Variants in STK3 observed in about 807,000 individuals in gnomAD.
STK3 encodes serine/threonine kinase 3.
A neutral mutation model predicts 58.0 loss-of-function variants in STK3; 41 were observed. The observed-to-expected ratio is 0.71, with a 90% CI of 0.55 to 0.92. STK3 has a LOEUF of 0.92. STK3 is among the 40% of genes least tolerant of loss of function. The pLI is 0.00. For synonymous variants in STK3, 170 were observed against 191.0 expected, an observed-to-expected ratio of 0.89 and a Z score of 0.91; for missense variants, 479 against 602.7, an observed-to-expected ratio of 0.79 and a Z score of 2.15.
At chr8:98,858,395 C>A (rs1479438141) in intron 3 of STK3, among the ~76,000 whole-genome samples, 2 of 139,918 alleles carry the variant, frequency 1.4e-5, no homozygotes, top group Non-Finnish European at 3.1e-5. Flanking sequence ...TACATAACTC[C>A]TGACCTCGTG....
At chr8:98,561,081 A>G (rs1811979484) in intron 8 of STK3, among the ~76,000 whole-genome samples, 1 of 152,118 alleles carries the variant, frequency 6.6e-6, no homozygotes, top group Non-Finnish European at 1.5e-5. Context: ...TTCAGTGTCC[A>G]ATCTTAAAAC....
rs116764263 is a variant in STK3, at chr8:98,642,322, T to A, written c.685-46153A>T. ...AACAATGGTAAAGATGGTTAATTTTTAAAATATTTTCAATAATAATATTAA... is the reference window on the plus strand; with the variant it reads ...AACAATGGTAAAGATGGTTAATTTTAAAAATATTTTCAATAATAATATTAA... On this transcript the variant is annotated intron_variant, in intron 6 of 10. Coordinates refer to ENST00000419617, the MANE Select transcript of STK3 (RefSeq NM_006281.4). Among the ~76,000 whole-genome samples, 1,002 of 152,112 alleles carry A rather than the reference T, an allele frequency of 6.6e-3. 4 individuals are homozygous for A. Among genetic ancestry groups the A allele is most frequent in the African/African-American group, 0.023 (954 of 41,496 alleles).
chr8:98,637,631 T>A (rs1199541401), intron 6 of STK3, among the ~76,000 whole-genome samples: 1 of 152,182 alleles, frequency 6.6e-6, no homozygotes, highest in Non-Finnish European at 1.5e-5. Context: ...ATAATATCAG[T>A]TTTCCCCTAA....
At chr8:98,838,936 A>G (rs1055358113) in intron 3 of STK3, among the ~76,000 whole-genome samples, 2 of 150,960 alleles carry the variant, frequency 1.3e-5, no homozygotes, top group Non-Finnish European at 2.9e-5. Context: ...TTCCCCCAAC[A>G]CACAAAATAA....
rs1826030336 is a variant in STK3, at chr8:98,707,234, T to C, written c.429A>G (p.Ile143Met). The C allele has an allele frequency of 6.2e-7, 1 of 1,608,380 alleles. No homozygotes were observed. Residue 143 changes from isoleucine (I) to methionine (M), a missense_variant, in exon 5 of 11, where the codon ATA becomes ATG. Around this residue, in one of 3 missense-constraint regions of STK3, gnomAD observed 126 missense variants for 210.1 expected, o/e 0.60. Coordinates refer to ENST00000419617, the MANE Select transcript of STK3 (RefSeq NM_006281.4). ...GLEYLHFMRKIHRDIKAGNIL... is the reference protein window; with the variant it reads ...GLEYLHFMRKMHRDIKAGNIL... ...TATTTCCAGCTTTTATATCTCTGTG[T>C]ATTTTTCTCATAAAGTGCAAATATT...
At chr8:98,811,158 T>C (rs549425908) in intron 1 of STK3, among the ~76,000 whole-genome samples, 1 of 152,308 alleles carries the variant, frequency 6.6e-6, no homozygotes, top group South Asian at 2.1e-4. Context: ...AGGAAACTAA[T>C]CATGGAGAAG....
At chr8:98,394,832 T>G (rs1292670513) in intron 3 of STK3, among the ~76,000 whole-genome samples, 2 of 152,258 alleles carry the variant, frequency 1.3e-5, no homozygotes, top group Admixed American at 6.5e-5. Flanking sequence ...TCCAGGCAAG[T>G]GTGAAGATTA....
At chr8:98,788,398 A>G (rs935899655) in intron 1 of STK3, among the ~76,000 whole-genome samples, 1 of 151,874 alleles carries the variant, frequency 6.6e-6, no homozygotes, top group Admixed American at 6.6e-5. Flanking sequence ...TGATTATACC[A>G]CTGCACTCCA....
At chr8:98,529,896 T>C (rs1826039876) in intron 9 of STK3, among the ~76,000 whole-genome samples, 1 of 152,192 alleles carries the variant, frequency 6.6e-6, no homozygotes, top group South Asian at 2.1e-4. Context: ...AGTCGGCGTT[T>C]AACAGGTACA....
intron 3 of STK3, among the ~76,000 whole-genome samples, chr8:98,419,198 G>A (rs537874989): frequency 1.2e-4 from 19 of 152,064 alleles, no homozygotes; most frequent in Admixed American, 2.6e-4. Context: ...CCGTCTCTAC[G>A]AAAAATAAAA....
intron 6 of STK3, among the ~76,000 whole-genome samples, chr8:98,621,358 T>C (rs890850903): frequency 6.6e-6 from 1 of 152,168 alleles, no homozygotes; most frequent in Non-Finnish European, 1.5e-5. Context: ...AAGGAGATGG[T>C]TTCATTTCTA....
intron 6 of STK3, among the ~76,000 whole-genome samples, chr8:98,605,454 G>A (rs1471429758): frequency 1.7e-4 from 11 of 65,390 alleles, no homozygotes; most frequent in African/African-American, 6.8e-4. Context: ...TTTTTTTTTT[G>A]AGGCAGAGTT....
chr8:98,373,135 C>T (rs1416487778), intron 2 of STK3, among the ~76,000 whole-genome samples: 3 of 152,154 alleles, frequency 2.0e-5, no homozygotes, highest in Admixed American at 2.0e-4. Flanking sequence ...AGAACAGCCC[C>T]TCCCACCAGA....
intron 7 of STK3, among the ~76,000 whole-genome samples, chr8:98,589,163 G>T (rs1252807357): frequency 6.6e-6 from 1 of 151,986 alleles, no homozygotes. Flanking sequence ...CTTTGGAGGA[G>T]GAGAGGCACT....
intron 3 of STK3, among the ~76,000 whole-genome samples, chr8:98,859,923 C>G (rs1218456545): frequency 6.6e-6 from 1 of 152,186 alleles, no homozygotes; most frequent in East Asian, 1.9e-4. Flanking sequence ...CCTACTTGAG[C>G]TCCAAGCCTA....
At chr8:98,367,067 C>T (rs1430649548), downstream of STK3, among the ~76,000 whole-genome samples, 1 of 152,206 alleles carries the variant, frequency 6.6e-6, no homozygotes, top group Non-Finnish European at 1.5e-5. Context: ...GGTGGCTCTC[C>T]AGTTTCATTT....
intron 1 of STK3, among the ~76,000 whole-genome samples, chr8:98,924,024 G>T (rs1839689916): frequency 6.6e-6 from 1 of 152,150 alleles, no homozygotes; most frequent in Admixed American, 6.5e-5. Flanking sequence ...ACTAAAACCA[G>T]TCATTGTACC....
At chr8:98,657,025 G>T (rs1485116236) in intron 6 of STK3, among the ~76,000 whole-genome samples, 1 of 151,916 alleles carries the variant, frequency 6.6e-6, no homozygotes, top group Non-Finnish European at 1.5e-5. Flanking sequence ...TGCCTTTAAA[G>T]AATACATATA....
chr8:98,724,444 A>G (rs1271850581), intron 4 of STK3, among the ~76,000 whole-genome samples: 1 of 152,220 alleles, frequency 6.6e-6, no homozygotes, highest in Non-Finnish European at 1.5e-5. Flanking sequence ...TGCATTACCA[A>G]TGAATAGTTC....
Sources: allele counts gnomAD v4.1 joint callset (sites outside exome capture counted in the v4.1 genomes callset), GRCh38; gene constraint gnomAD v4.1.1; regional missense constraint gnomAD v4.1.1; transcripts MANE v1.5; gene names NCBI Gene and HGNC (gene_info 2026-07-23, HGNC 2026-07-21).